The following STAG1 variants were observed in gnomAD, a reference collection of about 807,000 sequenced individuals.
STAG1 encodes cohesin subunit SA-1.
A neutral mutation model predicts 170.9 loss-of-function variants in STAG1; 26 were observed. The observed-to-expected ratio is 0.15, with a 90% CI of 0.11 to 0.21. The LOEUF (loss-of-function observed/expected upper bound fraction) is 0.21, where lower values mean the gene tolerates loss of function less well. Among genes scored for constraint, STAG1 ranks in the 10% least tolerant of loss-of-function variants. The probability of loss-of-function intolerance (pLI) is 1.00; values close to 1 mark genes in which losing one functional copy is unlikely to be tolerated. For missense variants in STAG1, 964 were observed against 1,509.5 expected, an observed-to-expected ratio of 0.64 and a Z score of 5.99; for synonymous variants, 514 against 497.7, an observed-to-expected ratio of 1.03 and a Z score of -0.44.
intron 22 of STAG1, among the ~76,000 whole-genome samples, chr3:136,385,353 T>A (rs1229634238): frequency 6.6e-6 from 1 of 152,032 alleles, no homozygotes; most frequent in African/African-American, 2.4e-5. Context: ...GGCGGGAGGA[T>A]CTCTTGAGCC....
At chr3:136,575,876 A>G (rs1156640446) in intron 4 of STAG1, among the ~76,000 whole-genome samples, 1 of 152,208 alleles carries the variant, frequency 6.6e-6, no homozygotes, top group East Asian at 1.9e-4. Context: ...CAATGGAAGT[A>G]GAGAAATGGA....
intron 22 of STAG1, among the ~76,000 whole-genome samples, chr3:136,398,066 C>A (rs950427183): frequency 6.6e-6 from 1 of 151,968 alleles, no homozygotes; most frequent in Non-Finnish European, 1.5e-5. Context: ...CCTGCCTCAG[C>A]CTCCTCAGTA....
chr3:136,544,906 G>A (rs368937526), intron 5 of STAG1, among the ~76,000 whole-genome samples: 10 of 152,172 alleles, frequency 6.6e-5, no homozygotes, highest in African/African-American at 2.2e-4. Flanking sequence ...CTAAGTAATT[G>A]CTCCATGTAT....
intron 4 of STAG1, among the ~76,000 whole-genome samples, chr3:136,584,320 C>T (rs1392710430): frequency 6.6e-6 from 1 of 152,208 alleles, no homozygotes; most frequent in South Asian, 2.1e-4. Context: ...TGGCCCTTAT[C>T]TAAAACTGGG....
At chr3:136,422,920 G>A in intron 17 of STAG1, 32 bp downstream of exon 17, 1 of 1,587,108 alleles carries the variant, frequency 6.3e-7, no homozygotes, top group Non-Finnish European at 8.6e-7. Context: ...AGCAAACTCA[G>A]TGACATAACA....
At chr3:136,550,959 G>A (rs942248128) in intron 5 of STAG1, among the ~76,000 whole-genome samples, 4 of 152,070 alleles carry the variant, frequency 2.6e-5, no homozygotes, top group Non-Finnish European at 5.9e-5. Context: ...AGTCACTATC[G>A]ATATGACTAA....
chr3:136,555,224 A>C (rs1427864145), intron 5 of STAG1, among the ~76,000 whole-genome samples: 2 of 151,566 alleles, frequency 1.3e-5, no homozygotes, highest in Non-Finnish European at 1.5e-5. Context: ...TAATAAAAAC[A>C]CCAGAAGCTG....
intron 9 of STAG1, among the ~76,000 whole-genome samples, chr3:136,484,997 A>G (rs1428962939): frequency 6.6e-6 from 1 of 152,150 alleles, no homozygotes; most frequent in African/African-American, 2.4e-5. Flanking sequence ...AGTGAGATGA[A>G]CCCGGTACCT....
Position 136,736,800 on chromosome 3 carries a change from C to G in STAG1, c.-84+15395G>C, listed in dbSNP as rs1444523296. The G allele has an allele frequency of 1.8e-5, 28 of 1,588,524 alleles. 1 individual carries two copies. In the South Asian group the frequency reaches 1.9e-4, roughly 11 times the overall value. On this transcript the variant is annotated intron_variant, in intron 1 of 33. Transcript: ENST00000383202. ...TGTTTGAACAGCTCAGGATCATCCT[C>G]CTCTACAATTGTAGGTTTTCCTTCC...
At chr3:136,609,009 T>C (rs1398654070) in intron 3 of STAG1, 2 of 152,088 alleles carry the variant, frequency 1.3e-5, no homozygotes, top group African/African-American at 4.8e-5. Context: ...CTGTGCACCA[T>C]GGCCCACTAG....
chr3:136,560,191 C>T (rs1191077402), intron 5 of STAG1, among the ~76,000 whole-genome samples: 5 of 152,140 alleles, frequency 3.3e-5, no homozygotes, highest in Admixed American at 2.6e-4. Context: ...TAGGCACAAA[C>T]AGAGCAAAAT....
chr3:136,716,059 C>T (rs567778935), intron 1 of STAG1, among the ~76,000 whole-genome samples: 1 of 152,278 alleles, frequency 6.6e-6, no homozygotes, highest in Non-Finnish European at 1.5e-5. Context: ...GATGGCGCCA[C>T]TGCACTCCAG....
chr3:136,351,862 A>G (rs1191726436), intron 28 of STAG1, among the ~76,000 whole-genome samples: 1 of 152,212 alleles, frequency 6.6e-6, no homozygotes, highest in Non-Finnish European at 1.5e-5. Flanking sequence ...AGTAAAGGGT[A>G]AACCTAACTG....
intron 12 of STAG1, among the ~76,000 whole-genome samples, chr3:136,466,451 G>C (rs1249218965): frequency 1.3e-5 from 2 of 151,760 alleles, no homozygotes; most frequent in East Asian, 1.9e-4. Context: ...GAAGTTAAGA[G>C]AAAAAAGAGT....
In STAG1 at chr3:136,493,758, T is replaced by G. The variant is rs532861562; in HGVS notation, c.902+6465A>C. On this transcript the variant is annotated intron_variant, in intron 9 of 33. Coordinates refer to ENST00000383202, the MANE Select transcript of STAG1 (RefSeq NM_005862.3). ...ACAAAATTACAAGTCCATTATTATT[T>G]GAAAAGATCAACAAAACAAACTTAC... 4.0e-5 allele frequency among the ~76,000 whole-genome samples: 6 copies of G among 151,804 alleles called. No homozygotes were observed. The South Asian group carries it at 1.0e-3, about 26-fold the overall frequency.
intron 1 of STAG1, among the ~76,000 whole-genome samples, chr3:136,725,473 G>C (rs2107934568): frequency 6.6e-6 from 1 of 152,120 alleles, no homozygotes; most frequent in Non-Finnish European, 1.5e-5. Context: ...ATGCAGAAAG[G>C]CACAAAAAAA....
chr3:136,469,621 T>C (rs1236999387), intron 12 of STAG1, among the ~76,000 whole-genome samples: 2 of 152,162 alleles, frequency 1.3e-5, no homozygotes, highest in Non-Finnish European at 2.9e-5. Context: ...CTTCACAGAA[T>C]TGGAAAAAAC....
At chr3:136,437,906 C>T (rs1374568629) in intron 15 of STAG1, among the ~76,000 whole-genome samples, 1 of 152,212 alleles carries the variant, frequency 6.6e-6, no homozygotes, top group Non-Finnish European at 1.5e-5. Flanking sequence ...ATAGAGACCA[C>T]TGCAATGATT....
At chr3:136,471,799 C>T (rs764776201) in intron 12 of STAG1, among the ~76,000 whole-genome samples, 8 of 152,076 alleles carry the variant, frequency 5.3e-5, no homozygotes, top group Non-Finnish European at 1.0e-4. Context: ...GAAACTGTCC[C>T]TTTGAGGGTT....
Sources: gnomAD v4.1 joint callset for allele counts (sites outside exome capture counted in the v4.1 genomes callset) on GRCh38, gnomAD v4.1.1 for gene constraint, MANE v1.5 for transcripts, NCBI Gene and HGNC (gene_info 2026-07-23, HGNC 2026-07-21) for gene names.